The following SPMIP2 variants were observed in gnomAD, a reference collection of about 807,000 sequenced individuals.
SPMIP2 encodes the protein protein SPMIP2.
the SPMIP2 span, among the ~76,000 whole-genome samples, chr4:158,955,515 C>G: frequency 6.6e-6 from 1 of 152,218 alleles, no homozygotes; most frequent in African/African-American, 2.4e-5. Flanking sequence ...AGTGATTCTT[C>G]TGCCTCAGCC....
At chr4:158,966,540 TAA>T in the SPMIP2 span, among the ~76,000 whole-genome samples, 120 of 152,348 alleles carry the variant, frequency 7.9e-4, no homozygotes, top group African/African-American at 2.8e-3. Flanking sequence ...CTACCTATTC[TAA>T]GTTATAGCAT....
chr4:159,018,349 C>T, the SPMIP2 span, among the ~76,000 whole-genome samples: 1 of 152,198 alleles, frequency 6.6e-6, no homozygotes, highest in African/African-American at 2.4e-5. Context: ...GTGGCCCAGA[C>T]AAACCCAAAA....
the SPMIP2 span, among the ~76,000 whole-genome samples, chr4:159,002,766 G>GCACACACACACACA: frequency 2.4e-3 from 354 of 148,184 alleles, 2 homozygotes; most frequent in Non-Finnish European, 3.9e-3. Flanking sequence ...ACATATCACT[G>GCACACACACACACA]CACACACACA....
chr4:158,997,231 C>CT, the SPMIP2 span, among the ~76,000 whole-genome samples: 23,714 of 135,662 alleles, frequency 0.17, 1,997 homozygotes, highest in South Asian at 0.32. Flanking sequence ...GTGAATATGG[C>CT]TTTTTTTTTT....
chr4:158,904,831 A>G, the SPMIP2 span: 1 of 357,778 alleles, frequency 2.8e-6, no homozygotes, highest in South Asian at 3.7e-5. Context: ...AGCACTAAAC[A>G]CTAAGCTGTT....
chr4:159,009,669 G>T, the SPMIP2 span, among the ~76,000 whole-genome samples: 261 of 152,178 alleles, frequency 1.7e-3, 1 homozygote, highest in African/African-American at 6.0e-3. Flanking sequence ...CTCTCATAAG[G>T]GTTAGTTAAG....
chr4:158,898,324 CT>C, the SPMIP2 span, among the ~76,000 whole-genome samples: 4 of 152,142 alleles, frequency 2.6e-5, no homozygotes, highest in Non-Finnish European at 5.9e-5. Context: ...TATGCAGGCT[CT>C]TTTTTGGTTC....
the SPMIP2 span, among the ~76,000 whole-genome samples, chr4:158,940,862 A>G: frequency 2.0e-5 from 3 of 152,170 alleles, no homozygotes; most frequent in South Asian, 6.2e-4. Flanking sequence ...GGCCAGCAAA[A>G]ATCTCTCCAA....
At chr4:158,992,564 T>C in the SPMIP2 span, among the ~76,000 whole-genome samples, 1 of 86,942 alleles carries the variant, frequency 1.2e-5, no homozygotes, top group Non-Finnish European at 2.7e-5. Flanking sequence ...CCAGCTGTCT[T>C]GGTTTGTGCT....
chr4:159,051,848 A>C, the SPMIP2 span, among the ~76,000 whole-genome samples: 1 of 152,120 alleles, frequency 6.6e-6, no homozygotes. Context: ...TCTGTGGCCT[A>C]TTACTCTTTG....
At chr4:158,896,431 A>G in the SPMIP2 span, among the ~76,000 whole-genome samples, 5 of 152,196 alleles carry the variant, frequency 3.3e-5, no homozygotes, top group Admixed American at 3.3e-4. Context: ...CTCTAGGGGA[A>G]GTAATTCTTA....
At chr4:159,036,780 C>G in the SPMIP2 span, among the ~76,000 whole-genome samples, 1 of 152,192 alleles carries the variant, frequency 6.6e-6, no homozygotes, top group African/African-American at 2.4e-5. Flanking sequence ...TTCTGACCTG[C>G]ATTATGCTCT....
At chr4:158,918,014 C>T in the SPMIP2 span, among the ~76,000 whole-genome samples, 8 of 152,110 alleles carry the variant, frequency 5.3e-5, no homozygotes, top group Admixed American at 2.6e-4. Flanking sequence ...CCATCGTGCC[C>T]GGCCTGACTT....
At chr4:158,962,005 A>T in the SPMIP2 span, among the ~76,000 whole-genome samples, 3 of 152,104 alleles carry the variant, frequency 2.0e-5, no homozygotes. Context: ...AACCTTTTAC[A>T]CTTATTTTAA....
the SPMIP2 span, among the ~76,000 whole-genome samples, chr4:159,066,154 A>G: frequency 6.6e-6 from 1 of 152,178 alleles, no homozygotes; most frequent in East Asian, 1.9e-4. Flanking sequence ...CTTTTACGCA[A>G]ATTTCAATTC....
chr4:159,057,404 C>G, the SPMIP2 span, among the ~76,000 whole-genome samples: 4 of 152,122 alleles, frequency 2.6e-5, no homozygotes, highest in Non-Finnish European at 4.4e-5. Flanking sequence ...CATTTTTTCT[C>G]CCTTTATTTG....
chr4:159,070,931 C>T, the SPMIP2 span, among the ~76,000 whole-genome samples: 1 of 152,162 alleles, frequency 6.6e-6, no homozygotes, highest in East Asian at 1.9e-4. Context: ...TGGAACCATT[C>T]GTTCTGGATC....
At chr4:159,035,251 A>G in the SPMIP2 span, 1 of 614,938 alleles carries the variant, frequency 1.6e-6, no homozygotes. Context: ...ACAGGGAGAT[A>G]GAATGTTCCT....
At chr4:158,994,540 A>G in the SPMIP2 span, among the ~76,000 whole-genome samples, 1 of 152,176 alleles carries the variant, frequency 6.6e-6, no homozygotes, top group Non-Finnish European at 1.5e-5. Flanking sequence ...CATGAGGTCA[A>G]TCCTCTATTT....
Sources: gnomAD v4.1 joint callset for allele counts (sites outside exome capture counted in the v4.1 genomes callset) on GRCh38, gnomAD v4.1.1 for gene constraint, MANE v1.5 for transcripts, NCBI Gene and HGNC (gene_info 2026-07-23, HGNC 2026-07-21) for gene names.